Variants in DNAH2 observed in about 807,000 individuals in gnomAD.
DNAH2 encodes the protein dynein axonemal heavy chain 2.
Under a neutral mutation model 523.5 loss-of-function variants are expected in DNAH2, and 323 were observed. That is an observed-to-expected ratio of 0.62 (90% CI 0.56 to 0.68). DNAH2 has a LOEUF of 0.68. DNAH2 is among the 30% of genes least tolerant of loss of function. The pLI is 0.00. For synonymous variants in DNAH2, 2,093 were observed against 2,177.4 expected (o/e 0.96, Z 1.08); for missense variants, 4,907 against 5,701.5 (o/e 0.86, Z 4.49).
In DNAH2 at chr17:7,817,854, C is replaced by G. The variant is rs759035166; in HGVS notation, c.10234C>G (p.Gln3412Glu). Reference protein sequence around the residue: ...LKWIKNMEGGQGLKIIDLQMS... With the variant: ...LKWIKNMEGGEGLKIIDLQMS... ...ATGGATTAAGAACATGGAAGGAGGC[C>G]AGGTGTGAGGCTGGGGGGTCAGGTT... The change falls in exon 67 of 86, where the codon CAG becomes GAG. Residue 3412 changes from glutamine (Q) to glutamate (E), a missense_variant and splice_region_variant. Coordinates refer to ENST00000572933, the MANE Select transcript of DNAH2 (RefSeq NM_020877.5). The G allele has an allele frequency of 2.5e-6, 4 of 1,613,522 alleles. No homozygotes were observed. In the Admixed American group the frequency reaches 5.0e-5, roughly 20 times the overall value.
At chr17:7,788,403 G>GGT (rs2076805578) in intron 44 of DNAH2, among the ~76,000 whole-genome samples, 159 bp downstream of exon 44, 2 of 152,124 alleles carry the variant, frequency 1.3e-5, no homozygotes, top group South Asian at 4.1e-4. Flanking sequence ...GGCAGTGAGG[G>GGT]GTGTGTGTGT....
At chr17:7,797,119 AAAC>A in intron 50 of DNAH2, 54 bp from the exon 51 acceptor site, 10 of 1,489,924 alleles carry the variant, frequency 6.7e-6, no homozygotes, top group African/African-American at 1.4e-5. Flanking sequence ...AAAAAAAAAA[AAAC>A]TTCTGGAGGG....
At chr17:7,805,467 C>T in intron 61 of DNAH2, 74 bp downstream of exon 61, 1 of 1,596,470 alleles carries the variant, frequency 6.3e-7, no homozygotes, top group Non-Finnish European at 8.5e-7. Flanking sequence ...GCAGCAGACA[C>T]TCAGAAAGAT....
rs558494215 is a variant in DNAH2, at chr17:7,764,264, C to T, written c.3327C>T (p.Val1109=). 38 of 1,604,480 alleles carry T rather than the reference C, an allele frequency of 2.4e-5. No individual in the cohort carries two copies. Among genetic ancestry groups the T allele is most frequent in the East Asian group, 2.0e-4 (9 of 44,868 alleles). ...FAILEKYEVP[V]EDSVLEMLDS... is the part of the protein sequence containing the mutation. The stretch of plus-strand genomic sequence containing the variant: ...TTCTTGAAAAGTACGAGGTGCCAGT[C>T]GAGGACAGTGTGAGTTCCTTTGGTG... Residue 1109 remains valine, a synonymous_variant, in exon 20 of 86, where the codon GTC becomes GTT. Coordinates refer to ENST00000572933, the MANE Select transcript of DNAH2 (RefSeq NM_020877.5).
In DNAH2 at chr17:7,749,306, CCCAAAAAAAAAAAAAA is replaced by C. The variant is rs2075607636; in HGVS notation, c.1904+6165_1904+6180del. 4.3e-3 allele frequency among the ~76,000 whole-genome samples: 15 copies of C among 3,504 alleles called. 1 individual carries two copies. The highest frequency in any genetic ancestry group is 6.3e-3 in the Non-Finnish European group (14 of 2,224). The allele number at this position is 3,504 out of a possible 152,430, so 2.3% of individuals were successfully genotyped here. A position where few individuals can be genotyped will look rare whatever the true frequency, so the allele number is the denominator to read the frequency against. On this transcript the variant is annotated intron_variant, in intron 12 of 85. Transcript: ENST00000572933. ...CTGGGCAACAAGAGCTAAACTCCCCCCCAAAAAAAAAAAAAAAAAAAAAAAAAAAAAAAAAAAAAAA... is the reference window on the plus strand; with the variant it reads ...CTGGGCAACAAGAGCTAAACTCCCCCAAAAAAAAAAAAAAAAAAAAAAAAA...
In DNAH2 at chr17:7,817,308, G is replaced by A; in HGVS notation, c.9913G>A (p.Gly3305Ser). The change falls in exon 65 of 86, where the codon GGC (glycine) becomes AGC (serine). Residue 3305 changes from glycine (G) to serine (S), a missense_variant. Physicochemically the swap from Gly to Ser is moderately conservative, Grantham distance 56 (BLOSUM62 0). This residue lies in a region of DNAH2 where 1,851 missense variants were observed against 2,139.4 expected (regional missense o/e 0.87). Transcript: ENST00000572933. Reference protein sequence around the residue: ...ETVQGLEEDLGYLVGDCLLAA... With the variant: ...ETVQGLEEDLSYLVGDCLLAA... ...CCGCCAGGGCCTGGAGGAGGACCTG[G>A]GCTACCTGGTGGGGGACTGTCTCCT... 6.2e-7 allele frequency: 1 copy of A among 1,603,174 alleles called. No individual in the cohort carries two copies. Among genetic ancestry groups the A allele is most frequent in the Non-Finnish European group, 8.5e-7 (1 of 1,177,084 alleles).
intron 32 of DNAH2, 132 bp downstream of exon 32, chr17:7,777,021 CA>C (rs2076473212): frequency 3.1e-6 from 2 of 650,310 alleles, no homozygotes; most frequent in Middle Eastern, 4.2e-4. Flanking sequence ...CCTTCTTTAC[CA>C]AAAAATACAA....
intron 77 of DNAH2, among the ~76,000 whole-genome samples, chr17:7,829,677 C>T (rs139056498): frequency 1.5e-4 from 23 of 152,120 alleles, no homozygotes; most frequent in Middle Eastern, 3.4e-3. Flanking sequence ...TTTCTGGCAC[C>T]CCAAATTGTG....
chr17:7,799,529 C>G (rs981707278), intron 56 of DNAH2, among the ~76,000 whole-genome samples: 3 of 152,178 alleles, frequency 2.0e-5, no homozygotes, highest in Admixed American at 1.3e-4. Context: ...AAAACACACA[C>G]ACACAGGCCG....
chr17:7,801,482 A>G, intron 56 of DNAH2, 96 bp from the exon 57 acceptor site: 1 of 1,550,528 alleles, frequency 6.4e-7, no homozygotes, highest in Non-Finnish European at 8.8e-7. Flanking sequence ...GGGGCATTTT[A>G]GGTTCTTAGA....
Position 7,807,189 on chromosome 17 carries a change from A to G in DNAH2, c.9482A>G (p.Lys3161Arg). The G allele has an allele frequency of 1.2e-6, 2 of 1,611,650 alleles. No homozygotes were observed. The highest frequency in any genetic ancestry group is 2.2e-5 in the South Asian group (2 of 91,090). Residue 3161 changes from lysine (K) to arginine (R), a missense_variant, in exon 62 of 86, where the codon AAA becomes AGA. Lys to Arg is a conservative substitution (Grantham distance 26). Coordinates refer to ENST00000572933, the MANE Select transcript of DNAH2 (RefSeq NM_020877.5). This position sits in a 1 kb window ranked among gnomAD's most constrained non-coding sequence, Gnocchi z 5.6. ...ATCAAGTCACTGATCAACTTTGATAAAGACAATATCTCAGATAAGGTTCTG... is the reference window on the plus strand; with the variant it reads ...ATCAAGTCACTGATCAACTTTGATAGAGACAATATCTCAGATAAGGTTCTG... The part of the protein sequence containing the change: ...NFIKSLINFD[K>R]DNISDKVLKK...
At position 7,818,087 on chromosome 17, in the gene DNAH2, G is replaced by A; in HGVS notation, c.10378G>A (p.Ala3460Thr). The change falls in exon 68 of 86, where the codon GCC (alanine) becomes ACC (threonine). Residue 3460 changes from alanine to threonine, a missense_variant. This residue lies in a region of DNAH2 where 1,851 missense variants were observed against 2,139.4 expected (regional missense o/e 0.87). Transcript: ENST00000572933. The stretch of plus-strand genomic sequence containing the variant: ...GAACCCCATGCTCAACAAATCTGTA[G>A]CCCGAATCGGTCAGGACAAGTCCCC... The part of the protein sequence containing the change: ...TLNPMLNKSV[A>T]RIGGRLLMRI... The A allele has an allele frequency of 6.2e-7, 1 of 1,611,334 alleles. No individual in the cohort carries two copies. Among genetic ancestry groups the A allele is most frequent in the Non-Finnish European group, 8.5e-7 (1 of 1,180,016 alleles).
At chr17:7,719,683 T>C in intron 1 of DNAH2, 38 bp from the exon 2 acceptor site, 1 of 1,611,880 alleles carries the variant, frequency 6.2e-7, no homozygotes, top group South Asian at 1.1e-5. Flanking sequence ...TCAGGGGTGG[T>C]ATCTGCTTGT....
chr17:7,758,927 A>T lies in DNAH2; in HGVS notation c.2251A>T (p.Ile751Phe), dbSNP rs760354926. The T allele has an allele frequency of 6.2e-7, 1 of 1,614,168 alleles. No individual in the cohort carries two copies. The highest frequency in any genetic ancestry group is 8.5e-7 in the Non-Finnish European group (1 of 1,180,024). The part of the protein sequence containing the change: ...VNEFKASTLT[I>F]GWRAQEMSEK... Reference sequence around the variant, plus strand: ...TGAGTTCAAGGCATCCACTCTGACCATTGGCTGGCGAGCCCAAGAGATGTC... The same window carrying T: ...TGAGTTCAAGGCATCCACTCTGACCTTTGGCTGGCGAGCCCAAGAGATGTC... Residue 751 changes from isoleucine (I) to phenylalanine (F), a missense_variant, in exon 15 of 86, where the codon ATT becomes TTT. Ile to Phe is a conservative substitution (Grantham distance 21). Coordinates refer to ENST00000572933, the MANE Select transcript of DNAH2 (RefSeq NM_020877.5).
Position 7,754,689 on chromosome 17 carries a change from C to A in DNAH2, c.1905-2402C>A. On this transcript the variant is annotated intron_variant, in intron 12 of 85. Coordinates refer to ENST00000572933, the MANE Select transcript of DNAH2 (RefSeq NM_020877.5). The surrounding 1 kb of genome is among the most constrained non-coding windows in gnomAD (Gnocchi z 4.6). ...TGATCGACTTGCCTACATTGCCCAC[C>A]CCAACCTTGGGAAGCTTGCTCGTGC... 8.0e-7 allele frequency: 1 copy of A among 1,251,842 alleles called. No individual in the cohort carries two copies. The highest frequency in any genetic ancestry group is 1.2e-6 in the Non-Finnish European group (1 of 868,674). 77.5% of individuals were successfully genotyped at this position (1,251,842 alleles called of 1,614,324 possible).
At position 7,804,212 on chromosome 17, in the gene DNAH2, C is replaced by T. The variant is rs770867523; in HGVS notation, c.8973-44C>T. 203 of 1,603,840 alleles carry T rather than the reference C, an allele frequency of 1.3e-4. No homozygotes were observed. In the Middle Eastern group the frequency reaches 2.3e-3, roughly 18 times the overall value. The stretch of plus-strand genomic sequence containing the variant: ...GGACCTTACAGGACACCGCGCTTTC[C>T]GGAAGCCCCGCCTCTCCACACCCTG... On this transcript the variant is annotated intron_variant, in intron 58 of 85. Transcript: ENST00000572933.
Position 7,737,174 on chromosome 17 carries a change from T to C in DNAH2, c.1086T>C (p.Pro362=), listed in dbSNP as rs1207376332. ...CCAAGGACATCTCTAGCAAGCTCCC[T>C]AAGCTGATCAGTCTCATCCGCATCA... ...MKPKDISSKL[P]KLISLIRIIW... Residue 362 remains proline (P), a synonymous_variant, in exon 8 of 86, where the codon CCT becomes CCC. Coordinates refer to ENST00000572933, the MANE Select transcript of DNAH2 (RefSeq NM_020877.5). The C allele has an allele frequency of 1.2e-6, 2 of 1,614,034 alleles. No individual in the cohort carries two copies. The highest frequency in any genetic ancestry group is 1.3e-5 in the African/African-American group (1 of 74,918).
chr17:7,734,668 C>G lies in DNAH2; in HGVS notation c.938C>G (p.Ser313Cys). The change falls in exon 7 of 86, where the codon TCC (serine) becomes TGC (cysteine). Residue 313 changes from serine (S) to cysteine (C), a missense_variant. Around this residue, in one of 3 missense-constraint regions of DNAH2, gnomAD observed 2,806 missense variants for 3,190.8 expected, o/e 0.88. Coordinates refer to ENST00000572933, the MANE Select transcript of DNAH2 (RefSeq NM_020877.5). Reference sequence around the variant, plus strand: ...TCCATCCTGCACCTTGCCAAGTCGTCCTACTTGGCGCCCTTTATGAAACTG... The same window carrying G: ...TCCATCCTGCACCTTGCCAAGTCGTGCTACTTGGCGCCCTTTATGAAACTG... ...VESILHLAKS[S>C]YLAPFMKLAQ... The G allele has an allele frequency of 6.2e-7, 1 of 1,612,812 alleles. No homozygotes were observed. Among genetic ancestry groups the G allele is most frequent in the Non-Finnish European group, 8.5e-7 (1 of 1,179,872 alleles).
chr17:7,734,387 C>G, intron 6 of DNAH2, 83 bp from the exon 7 acceptor site: 2 of 1,597,500 alleles, frequency 1.3e-6, no homozygotes, highest in Non-Finnish European at 1.7e-6. Flanking sequence ...GTTAGGAGGT[C>G]TCTGTCGGGG....
Sources: allele counts gnomAD v4.1 joint callset (sites outside exome capture counted in the v4.1 genomes callset), GRCh38; gene constraint gnomAD v4.1.1; regional missense constraint gnomAD v4.1.1; non-coding constraint Gnocchi (gnomAD v3.1); transcripts MANE v1.5; gene names NCBI Gene and HGNC (gene_info 2026-07-23, HGNC 2026-07-21).